WFDC1: variants seen among roughly 807,000 people sequenced by gnomAD.
The protein encoded by WFDC1 is WAP four-disulfide core domain protein 1.
A neutral mutation model predicts 32.9 loss-of-function variants in WFDC1; 39 were observed. The ratio of observed to expected loss-of-function variants is 1.19; its 90% CI spans 0.92 to 1.55. The LOEUF is 1.55. Ranked by LOEUF, WFDC1 falls within the 40% of genes most tolerant of loss-of-function variation. WFDC1 has a pLI of 0.00. For synonymous variants in WFDC1, 184 were observed against 137.4 expected (o/e 1.34, Z -2.37); for missense variants, 386 against 309.5 (o/e 1.25, Z -1.85).
intron 5 of WFDC1, 118 bp from the exon 6 acceptor site, chr16:84,326,764 G>T (rs750961988): frequency 1.1e-4 from 128 of 1,181,730 alleles, no homozygotes; most frequent in Middle Eastern, 2.0e-4. Context: ...ACCTCAGCTG[G>T]GGGAGGGAGG....
intron 5 of WFDC1, chr16:84,326,018 C>T (rs575505315): frequency 7.2e-6 from 1 of 139,646 alleles, no homozygotes; most frequent in Non-Finnish European, 1.5e-5. Flanking sequence ...ACCCATATAT[C>T]CATCTATCTA....
chr16:84,322,093 G>T (rs1908331504), intron 4 of WFDC1, among the ~76,000 whole-genome samples: 1 of 151,906 alleles, frequency 6.6e-6, no homozygotes, highest in Non-Finnish European at 1.5e-5. Context: ...TTACCCAAAA[G>T]ATGCAGAGCT....
At position 84,319,646 on chromosome 16, in the gene WFDC1, A is replaced by G. The variant is rs985505617; in HGVS notation, c.562+75A>G. 4 of 1,553,968 alleles carry G rather than the reference A, an allele frequency of 2.6e-6. No homozygotes were observed. In the African/African-American group the frequency reaches 4.1e-5, roughly 16 times the overall value. On this transcript the variant is annotated intron_variant, in intron 4 of 6. Coordinates refer to ENST00000219454, the MANE Select transcript of WFDC1 (RefSeq NM_021197.4). ...CTCCCTGTAAGCGCCTCTCACCCGC[A>G]TGGACGACCTGCCCCAGGAAGCAGC...
At chr16:84,319,771 C>T (rs541674276) in intron 4 of WFDC1, among the ~76,000 whole-genome samples, 200 bp downstream of exon 4, 11 of 152,242 alleles carry the variant, frequency 7.2e-5, no homozygotes, top group East Asian at 3.9e-4. Context: ...AGCATGTGAC[C>T]GAAGCTCTTG....
intron 6 of WFDC1, chr16:84,328,352 A>T (rs1908723780): frequency 1.3e-5 from 2 of 152,160 alleles, no homozygotes; most frequent in Admixed American, 6.5e-5. Flanking sequence ...AAACCTGAAA[A>T]TCTACCCAGC....
chr16:84,324,331 A>G, intron 4 of WFDC1, 88 bp from the exon 5 acceptor site: 1 of 1,265,716 alleles, frequency 7.9e-7, no homozygotes, highest in Non-Finnish European at 1.1e-6. Flanking sequence ...AGACTGAAAA[A>G]CACAAGTAAT....
Position 84,321,420 on chromosome 16 carries a change from G to A in WFDC1, c.562+1849G>A, listed in dbSNP as rs528308427. Among the ~76,000 whole-genome samples the A allele has an allele frequency of 2.0e-4, 31 of 152,356 alleles. No individual in the cohort carries two copies. The South Asian group carries it at 5.8e-3, about 28-fold the overall frequency. ...CCAGCCACTGTGAGGCTGCTGGAGT[G>A]TGGAAGGGATAGCCTTTTCCAAAAG... On this transcript the variant is annotated intron_variant, in intron 4 of 6. Coordinates refer to ENST00000219454, the MANE Select transcript of WFDC1 (RefSeq NM_021197.4).
chr16:84,305,405 C>G (rs1241448390), intron 1 of WFDC1, among the ~76,000 whole-genome samples: 1 of 152,228 alleles, frequency 6.6e-6, no homozygotes, highest in Non-Finnish European at 1.5e-5. Context: ...ATGGCCCCTT[C>G]TCTTAGGAAC....
intron 5 of WFDC1, 78 bp downstream of exon 5, chr16:84,324,538 T>A (rs1290872673): frequency 6.6e-7 from 1 of 1,516,670 alleles, no homozygotes; most frequent in African/African-American, 1.4e-5. Context: ...AAGAAAAAAA[T>A]AAAAGCCCAG....
intron 1 of WFDC1, among the ~76,000 whole-genome samples, chr16:84,306,143 C>T (rs553048672): frequency 1.3e-5 from 2 of 152,256 alleles, no homozygotes; most frequent in East Asian, 1.9e-4. Context: ...CCACAGACAT[C>T]GGCAGCAGGT....
chr16:84,296,808 G>A (rs1331981184), intron 1 of WFDC1: 3 of 152,280 alleles, frequency 2.0e-5, no homozygotes, highest in South Asian at 2.1e-4. Context: ...GAATTAGGAG[G>A]AGGAAGGAAA....
intron 3 of WFDC1, 45 bp from the exon 4 acceptor site, chr16:84,319,386 C>T (rs1397051448): frequency 6.3e-7 from 1 of 1,597,024 alleles, no homozygotes; most frequent in Non-Finnish European, 8.5e-7. Context: ...GTGCACCTGT[C>T]CTGGGAGTCG....
At chr16:84,308,195 C>T (rs573801061) in intron 1 of WFDC1, among the ~76,000 whole-genome samples, 2 of 152,278 alleles carry the variant, frequency 1.3e-5, no homozygotes, top group Non-Finnish European at 2.9e-5. Flanking sequence ...CTCTCTGCCC[C>T]TCATGCCCTC....
chr16:84,313,755 C>T (rs113695483), intron 2 of WFDC1, among the ~76,000 whole-genome samples: 1,600 of 152,294 alleles, frequency 0.011, 32 homozygotes, highest in African/African-American at 0.037. Flanking sequence ...GGAGCGGGTG[C>T]GTGGCTTCAG....
chr16:84,301,346 G>A (rs1299858846), intron 1 of WFDC1, among the ~76,000 whole-genome samples: 1 of 152,186 alleles, frequency 6.6e-6, no homozygotes, highest in Non-Finnish European at 1.5e-5. Flanking sequence ...GGTTGCAACC[G>A]GCAACGAGAC....
At chr16:84,303,046 T>C (rs1597664773) in intron 1 of WFDC1, among the ~76,000 whole-genome samples, 3 of 144,876 alleles carry the variant, frequency 2.1e-5, no homozygotes, top group Admixed American at 7.1e-5. Context: ...TTGGCCTCCC[T>C]CTGAGGAAGT....
At chr16:84,319,637 C>G (rs1908188918) in intron 4 of WFDC1, 66 bp downstream of exon 4, 1 of 1,575,900 alleles carries the variant, frequency 6.3e-7, no homozygotes, top group Non-Finnish European at 8.6e-7. Context: ...GTAAGCGCCT[C>G]TCACCCGCAT....
rs1027936144 is a variant in WFDC1 at position 84,325,330 on chromosome 16, A to G, written c.604+870A>G. 2.0e-5 allele frequency among the ~76,000 whole-genome samples: 3 copies of G among 151,896 alleles called. No homozygotes were observed. In the East Asian group the frequency reaches 5.8e-4, roughly 29 times the overall value. On this transcript the variant is annotated intron_variant, in intron 5 of 6. Transcript: ENST00000219454. ...CAGTTCTCCTGCGTCAGCCTCCCAA[A>G]TAGCTGGGATTACAGGTGTCCGCCA...
intron 4 of WFDC1, among the ~76,000 whole-genome samples, chr16:84,323,133 AAT>A (rs1343379099): frequency 6.6e-6 from 1 of 152,202 alleles, no homozygotes; most frequent in African/African-American, 2.4e-5. Context: ...TGCTTTGGAA[AAT>A]AGTTATTGCT....
Sources: allele counts gnomAD v4.1 joint callset (sites outside exome capture counted in the v4.1 genomes callset), GRCh38; gene constraint gnomAD v4.1.1; transcripts MANE v1.5; gene names NCBI Gene and HGNC (gene_info 2026-07-23, HGNC 2026-07-21).